ABAT: variants seen among roughly 807,000 people sequenced by gnomAD.
ABAT encodes 4-aminobutyrate aminotransferase, also known as 4-aminobutyrate aminotransferase, mitochondrial.
In ABAT, 45 loss-of-function variants were observed where a neutral mutation model predicts 64.6. That is an observed-to-expected ratio of 0.70 (90% CI 0.55 to 0.89). ABAT has a LOEUF of 0.89. Ranked by LOEUF, ABAT falls within the 40% of genes least tolerant of loss-of-function variation. The probability of loss-of-function intolerance (pLI) is 0.00; values close to 1 mark genes in which losing one functional copy is unlikely to be tolerated. For missense variants in ABAT, 633 were observed against 658.4 expected, an observed-to-expected ratio of 0.96 and a Z score of 0.42; for synonymous variants, 297 against 250.5, an observed-to-expected ratio of 1.19 and a Z score of -1.75.
rs1465378218 is a variant in ABAT at position 8,776,025 on chromosome 16, G to A, written c.1123-319G>A. Among the ~76,000 whole-genome samples the A allele has an allele frequency of 1.3e-5, 2 of 152,206 alleles. No homozygotes were observed. The highest frequency in any genetic ancestry group is 2.9e-5 in the Non-Finnish European group (2 of 68,042). The stretch of plus-strand genomic sequence containing the variant: ...CCTCCTGTATAAAATGAGGGTTATA[G>A]GAGTTAAGGAACTGACTGTCTTGGT... On this transcript the variant is annotated intron_variant, in intron 13 of 15. Transcript: ENST00000268251. This position sits in a 1 kb window ranked among gnomAD's most constrained non-coding sequence, Gnocchi z 4.4.
intron 6 of ABAT, among the ~76,000 whole-genome samples, chr16:8,759,176 C>A (rs2059728337): frequency 6.6e-6 from 1 of 151,984 alleles, no homozygotes; most frequent in African/African-American, 2.4e-5. Context: ...CTAAATGCAC[C>A]ACTCAATGAA....
Position 8,722,805 on chromosome 16 carries a change from G to T in ABAT, c.-41-12894G>T, listed in dbSNP as rs988520473. On this transcript the variant is annotated intron_variant, in intron 1 of 15. Transcript: ENST00000268251. ...GGGTCTAGCGGATTGCAAAGGGCCT[G>T]GTAGAATCAAAGAGGGATATACTAA... is the stretch of plus-strand genomic sequence containing the variant. 26 of 1,288,926 alleles carry T rather than the reference G, an allele frequency of 2.0e-5. No homozygotes were observed. In the African/African-American group the frequency reaches 2.4e-4, roughly 12 times the overall value. 79.8% of individuals were successfully genotyped at this position (1,288,926 alleles called of 1,614,324 possible). A position where few individuals can be genotyped will look rare whatever the true frequency, so the allele number is the denominator to read the frequency against.
chr16:8,680,683 T>C (rs1325871973), intron 1 of ABAT, among the ~76,000 whole-genome samples: 1 of 152,144 alleles, frequency 6.6e-6, no homozygotes, highest in African/African-American at 2.4e-5. Flanking sequence ...CTGCCTCGGC[T>C]TCCCAAAGTG....
chr16:8,736,102 CAA>C, intron 2 of ABAT: 1 of 425,140 alleles, frequency 2.4e-6, no homozygotes, highest in East Asian at 5.0e-5. Flanking sequence ...TGGCTACAGG[CAA>C]GAGAGCATGT....
chr16:8,777,294 C>G (rs1329067003), intron 14 of ABAT, among the ~76,000 whole-genome samples: 2 of 151,960 alleles, frequency 1.3e-5, no homozygotes, highest in Non-Finnish European at 2.9e-5. Context: ...GTTCATTATT[C>G]CCGCCTTTGT....
At position 8,776,273 on chromosome 16, in the gene ABAT, C is replaced by T. The variant is rs1035968785; in HGVS notation, c.1123-71C>T. On this transcript the variant is annotated intron_variant, in intron 13 of 15. Coordinates refer to ENST00000268251, the MANE Select transcript of ABAT (RefSeq NM_020686.6). This position sits in a 1 kb window ranked among gnomAD's most constrained non-coding sequence, Gnocchi z 4.4. ...CTCCTCTTCAAGAGAGGAGGCGGGGCGCCTGGGGTAAGTGACTCCTGCAGG... is the reference window on the plus strand; with the variant it reads ...CTCCTCTTCAAGAGAGGAGGCGGGGTGCCTGGGGTAAGTGACTCCTGCAGG... 2.7e-5 allele frequency: 44 copies of T among 1,607,274 alleles called. No homozygotes were observed. Among genetic ancestry groups the T allele is most frequent in the Admixed American group, 5.0e-5 (3 of 59,966 alleles).
chr16:8,705,189 G>A (rs1490560373), intron 1 of ABAT, among the ~76,000 whole-genome samples: 1 of 152,140 alleles, frequency 6.6e-6, no homozygotes, highest in Non-Finnish European at 1.5e-5. Context: ...ACATGGCTGG[G>A]AGGCCTCAGG....
intron 2 of ABAT, among the ~76,000 whole-genome samples, chr16:8,742,806 C>T (rs374525324): frequency 2.8e-5 from 4 of 140,394 alleles, no homozygotes; most frequent in South Asian, 4.5e-4. Context: ...GCAGAGGTTG[C>T]AATGAGCTGA....
At chr16:8,746,123 G>A (rs750215148) in intron 3 of ABAT, 25 bp downstream of exon 3, 35 of 1,592,552 alleles carry the variant, frequency 2.2e-5, no homozygotes, top group African/African-American at 6.7e-5. Context: ...CCTGAGTGGG[G>A]TATTTTGGAA....
chr16:8,737,080 C>A (rs757665149), intron 2 of ABAT: 1 of 152,364 alleles, frequency 6.6e-6, no homozygotes, highest in Non-Finnish European at 1.5e-5. Flanking sequence ...AACTGCTAGC[C>A]GTGTCCTTGG....
At chr16:8,732,680 T>G (rs576750063) in intron 1 of ABAT, among the ~76,000 whole-genome samples, 14,367 of 151,190 alleles carry the variant, frequency 0.095, 1,252 homozygotes, top group African/African-American at 0.18. Flanking sequence ...CTTTCCCGCC[T>G]TTCTATTCCA....
At chr16:8,766,748 C>G (rs2059957928) in intron 9 of ABAT, among the ~76,000 whole-genome samples, 1 of 152,214 alleles carries the variant, frequency 6.6e-6, no homozygotes, top group Non-Finnish European at 1.5e-5. Context: ...GCGGGTGGAT[C>G]TCCCGAGGTC....
intron 1 of ABAT, among the ~76,000 whole-genome samples, chr16:8,710,564 C>G (rs972608698): frequency 2.6e-5 from 4 of 151,918 alleles, no homozygotes; most frequent in African/African-American, 7.3e-5. Flanking sequence ...CAGCAAGTCC[C>G]CGTCTCTACA....
intron 2 of ABAT, among the ~76,000 whole-genome samples, chr16:8,744,266 G>T (rs529240972): frequency 1.3e-5 from 2 of 152,240 alleles, no homozygotes; most frequent in East Asian, 3.9e-4. Context: ...CTCAGCTTCT[G>T]GGGAGGCCTC....
At chr16:8,709,760 T>C (rs966016315) in intron 1 of ABAT, among the ~76,000 whole-genome samples, 1 of 151,752 alleles carries the variant, frequency 6.6e-6, no homozygotes, top group Non-Finnish European at 1.5e-5. Flanking sequence ...GACTTGGCAA[T>C]CAGAAAGATG....
At chr16:8,778,269 G>T (rs1162144971) in intron 14 of ABAT, among the ~76,000 whole-genome samples, 1 of 152,198 alleles carries the variant, frequency 6.6e-6, no homozygotes, top group African/African-American at 2.4e-5. Context: ...ACAGTTTGGA[G>T]GCCAGGGTCT....
At chr16:8,690,197 A>G (rs1478516660) in intron 1 of ABAT, among the ~76,000 whole-genome samples, 1 of 152,228 alleles carries the variant, frequency 6.6e-6, no homozygotes, top group Non-Finnish European at 1.5e-5. Flanking sequence ...CAGCAGCAGC[A>G]TCTGCCTGGC....
chr16:8,719,848 T>C lies in ABAT; in HGVS notation c.-41-15851T>C, dbSNP rs541038686. Among the ~76,000 whole-genome samples the C allele has an allele frequency of 7.9e-5, 12 of 152,352 alleles. 1 individual carries two copies. The East Asian group carries it at 1.2e-3, about 15-fold the overall frequency. ...TATTTTTGAGATGGAGTTTCACTCT[T>C]GTCGCCAGGTTGGAGAGCAGTGGCA... is the stretch of plus-strand genomic sequence containing the variant. On this transcript the variant is annotated intron_variant, in intron 1 of 15. Transcript: ENST00000268251.
At chr16:8,752,644 G>C (rs1001566436) in intron 5 of ABAT, among the ~76,000 whole-genome samples, 1 of 152,150 alleles carries the variant, frequency 6.6e-6, no homozygotes, top group Non-Finnish European at 1.5e-5. Flanking sequence ...GTGCATGCCT[G>C]TAGTCCCAGC....
Sources: allele counts gnomAD v4.1 joint callset (sites outside exome capture counted in the v4.1 genomes callset), GRCh38; gene constraint gnomAD v4.1.1; non-coding constraint Gnocchi (gnomAD v3.1); transcripts MANE v1.5; gene names NCBI Gene and HGNC (gene_info 2026-07-23, HGNC 2026-07-21).